Variants in ICA1L observed in about 807,000 individuals in gnomAD.
The protein encoded by ICA1L is islet cell autoantigen 1-like protein.
In ICA1L, 50 loss-of-function variants were observed where a neutral mutation model predicts 61.3. That is an observed-to-expected ratio of 0.82 (90% CI 0.65 to 1.03). The LOEUF is 1.03. ICA1L is among the 50% of genes least tolerant of loss of function. The pLI is 0.00. For missense variants in ICA1L, 508 were observed against 556.7 expected (o/e 0.91, Z 0.88); for synonymous variants, 161 against 191.3 (o/e 0.84, Z 1.31).
At chr2:202,824,409 A>G (rs1319383037) in intron 3 of ICA1L, among the ~76,000 whole-genome samples, 4 of 152,110 alleles carry the variant, frequency 2.6e-5, no homozygotes, top group Non-Finnish European at 5.9e-5. Flanking sequence ...CAAAAAAAAA[A>G]AATTCTGTCC....
At chr2:202,865,297 T>C (rs1687464447) in intron 1 of ICA1L, among the ~76,000 whole-genome samples, 1 of 151,026 alleles carries the variant, frequency 6.6e-6, no homozygotes, top group South Asian at 2.1e-4. Flanking sequence ...GGTGAAACCT[T>C]GTCTCTACTA....
Position 202,843,406 on chromosome 2 carries a change from C to T in ICA1L, c.-7-14390G>A, listed in dbSNP as rs549965127. On this transcript the variant is annotated intron_variant, in intron 1 of 12. Transcript: ENST00000358299. ...AATCACAGGGATCCATAGCAACCAA[C>T]GTTCTGAGTTTCTGCAGTGGCGCAA... Among the ~76,000 whole-genome samples the T allele has an allele frequency of 1.7e-4, 26 of 152,250 alleles. No homozygotes were observed. In the South Asian group the frequency reaches 1.9e-3, roughly 11 times the overall value.
chr2:202,851,105 C>T (rs1460578620), intron 1 of ICA1L, among the ~76,000 whole-genome samples: 1 of 151,806 alleles, frequency 6.6e-6, no homozygotes, highest in African/African-American at 2.4e-5. Context: ...TGGTGTGCTG[C>T]ACCCATTAAC....
chr2:202,836,782 AGT>A (rs1694158904), intron 1 of ICA1L, among the ~76,000 whole-genome samples: 1 of 67,610 alleles, frequency 1.5e-5, no homozygotes, highest in South Asian at 7.9e-4. Context: ...ACAATTTGTT[AGT>A]GTGTGTATAT....
chr2:202,839,683 C>T (rs1694268305), intron 1 of ICA1L, among the ~76,000 whole-genome samples: 1 of 149,746 alleles, frequency 6.7e-6, no homozygotes, highest in Non-Finnish European at 1.5e-5. Context: ...AATCTATTTA[C>T]ATTCAAGGTA....
At chr2:202,870,068 C>T (rs188992860) in intron 1 of ICA1L, among the ~76,000 whole-genome samples, 12 of 152,032 alleles carry the variant, frequency 7.9e-5, no homozygotes, top group African/African-American at 4.8e-5. Flanking sequence ...TTAAAGGAAG[C>T]GCAGTGAGTA....
At chr2:202,867,458 A>G (rs377019019) in intron 1 of ICA1L, among the ~76,000 whole-genome samples, 2 of 152,232 alleles carry the variant, frequency 1.3e-5, no homozygotes, top group African/African-American at 4.8e-5. Flanking sequence ...CTGCAACACA[A>G]TGATGGTAAG....
intron 10 of ICA1L, among the ~76,000 whole-genome samples, chr2:202,795,308 T>C (rs904720801): frequency 9.9e-5 from 15 of 151,940 alleles, no homozygotes; most frequent in African/African-American, 3.1e-4. Context: ...TACAAGAAAG[T>C]TTCTATAATT....
At chr2:202,839,192 T>C (rs1694241794) in intron 1 of ICA1L, among the ~76,000 whole-genome samples, 1 of 152,114 alleles carries the variant, frequency 6.6e-6, no homozygotes, top group Non-Finnish European at 1.5e-5. Flanking sequence ...TTAATCTAAA[T>C]GTGTCCTTAA....
chr2:202,810,689 G>C (rs1331592737), intron 9 of ICA1L, among the ~76,000 whole-genome samples: 1 of 152,198 alleles, frequency 6.6e-6, no homozygotes, highest in Admixed American at 6.5e-5. Context: ...AGGCAGAACA[G>C]AGCCATATTT....
At chr2:202,871,403 C>A (rs1466213308) in intron 1 of ICA1L, 2 of 152,192 alleles carry the variant, frequency 1.3e-5, no homozygotes, top group African/African-American at 2.4e-5. Context: ...CCGAGCAGGG[C>A]CTCGCCTGGA....
At chr2:202,825,664 G>A (rs1344959) in intron 3 of ICA1L, 31 bp downstream of exon 3, 1,277,484 of 1,372,254 alleles carry the variant, frequency 0.93, 596,697 homozygotes, top group South Asian at 0.95. Flanking sequence ...TTTAAATGGG[G>A]ATTATCAGAT....
chr2:202,774,357 T>C lies in ICA1L; in HGVS notation c.*5176A>G. 1.5e-6 allele frequency: 2 copies of C among 1,344,554 alleles called. No individual in the cohort carries two copies. The highest frequency in any genetic ancestry group is 1.9e-6 in the Non-Finnish European group (2 of 1,051,724). The allele number at this position is 1,344,554 out of a possible 1,614,324, so 83.3% of individuals were successfully genotyped here. On this transcript the variant is annotated 3_prime_UTR_variant, in exon 13 of 13. Coordinates refer to ENST00000358299, the MANE Select transcript of ICA1L (RefSeq NM_001288622.3). Reference sequence around the variant, plus strand: ...GAGGCGAGCCTGCCGCGCGCTCCGCTCAGCGTGGTCTGGCAGCCGGAGACC... The same window carrying C: ...GAGGCGAGCCTGCCGCGCGCTCCGCCCAGCGTGGTCTGGCAGCCGGAGACC...
At chr2:202,869,087 T>C (rs1687613302) in intron 1 of ICA1L, among the ~76,000 whole-genome samples, 1 of 151,038 alleles carries the variant, frequency 6.6e-6, no homozygotes, top group South Asian at 2.1e-4. Context: ...AGGCCAGGCG[T>C]GGTGGCTCAC....
At chr2:202,806,208 G>A (rs1368259185) in intron 9 of ICA1L, among the ~76,000 whole-genome samples, 2 of 152,094 alleles carry the variant, frequency 1.3e-5, no homozygotes, top group African/African-American at 2.4e-5. Flanking sequence ...GCTTGAGGAG[G>A]GGAGAAAGGA....
chr2:202,837,779 T>G (rs1694196017), intron 1 of ICA1L, among the ~76,000 whole-genome samples: 1 of 152,150 alleles, frequency 6.6e-6, no homozygotes, highest in African/African-American at 2.4e-5. Context: ...TGCTATAAAC[T>G]TCTCTCTTCG....
At chr2:202,797,499 G>GAAC (rs1692967557) in intron 9 of ICA1L, among the ~76,000 whole-genome samples, 1 of 152,100 alleles carries the variant, frequency 6.6e-6, no homozygotes, top group Non-Finnish European at 1.5e-5. Context: ...CATTTGTATT[G>GAAC]AACACTGCTC....
At chr2:202,818,440 A>G (rs1478773578) in intron 5 of ICA1L, among the ~76,000 whole-genome samples, 1 of 152,182 alleles carries the variant, frequency 6.6e-6, no homozygotes, top group Non-Finnish European at 1.5e-5. Context: ...AAGCAAGTAC[A>G]ACGTGGTTGT....
chr2:202,828,136 T>C (rs957872707), intron 2 of ICA1L, among the ~76,000 whole-genome samples: 1 of 152,014 alleles, frequency 6.6e-6, no homozygotes, highest in African/African-American at 2.4e-5. Flanking sequence ...TGGTGGTACA[T>C]GCCTGTAATC....
Sources: gnomAD v4.1 joint callset for allele counts (sites outside exome capture counted in the v4.1 genomes callset) on GRCh38, gnomAD v4.1.1 for gene constraint, MANE v1.5 for transcripts, NCBI Gene and HGNC (gene_info 2026-07-23, HGNC 2026-07-21) for gene names.